SLC24A2: variants seen among roughly 807,000 people sequenced by gnomAD.
SLC24A2 encodes sodium/potassium/calcium exchanger 2.
A neutral mutation model predicts 62.0 loss-of-function variants in SLC24A2; 36 were observed. That is an observed-to-expected ratio of 0.58 (90% CI 0.44 to 0.77). The LOEUF (loss-of-function observed/expected upper bound fraction) is 0.77, where lower values mean the gene tolerates loss of function less well. Among genes scored for constraint, SLC24A2 ranks in the 30% least tolerant of loss-of-function variants. The pLI is 0.00. For synonymous variants in SLC24A2, 358 were observed against 294.0 expected (o/e 1.22, Z -2.23); for missense variants, 846 against 817.9 (o/e 1.03, Z -0.42).
In SLC24A2 at chr9:19,515,983, G is replaced by T; in HGVS notation, c.*170C>A. On this transcript the variant is annotated 3_prime_UTR_variant, in exon 11 of 11. Coordinates refer to ENST00000341998, the MANE Select transcript of SLC24A2 (RefSeq NM_020344.4). ...TCAGTAGGCAGGGTGGAAGCAGCCT[G>T]TGAAGTGAATGGGCCCAGTGTGAAT... 1.2e-6 allele frequency: 1 copy of T among 824,454 alleles called. No homozygotes were observed. The highest frequency in any genetic ancestry group is 2.1e-6 in the Non-Finnish European group (1 of 484,816). The allele number at this position is 824,454 out of a possible 1,614,324, so 51.1% of individuals were successfully genotyped here. A position where few individuals can be genotyped will look rare whatever the true frequency, so the allele number is the denominator to read the frequency against.
At chr9:20,160,706 A>C in the SLC24A2 span, among the ~76,000 whole-genome samples, 5 of 151,292 alleles carry the variant, frequency 3.3e-5, no homozygotes, top group African/African-American at 1.2e-4. Flanking sequence ...ATTTCCGAAA[A>C]ATAATGATGA....
chr9:20,217,504 A>T, the SLC24A2 span, among the ~76,000 whole-genome samples: 9 of 152,152 alleles, frequency 5.9e-5, no homozygotes, highest in African/African-American at 2.2e-4. Context: ...TTTTTAATTG[A>T]CAGGAGGAAT....
At chr9:20,193,284 T>C in the SLC24A2 span, among the ~76,000 whole-genome samples, 3 of 152,164 alleles carry the variant, frequency 2.0e-5, no homozygotes, top group Admixed American at 6.5e-5. Context: ...ATATAAATCA[T>C]GCCTTGAAAT....
chr9:19,795,990 A>T, the SLC24A2 span, among the ~76,000 whole-genome samples: 1 of 151,896 alleles, frequency 6.6e-6, no homozygotes, highest in Non-Finnish European at 1.5e-5. Context: ...ATGAAGCTGG[A>T]AACCATCATT....
At chr9:19,850,533 A>G in the SLC24A2 span, among the ~76,000 whole-genome samples, 1 of 152,142 alleles carries the variant, frequency 6.6e-6, no homozygotes, top group Non-Finnish European at 1.5e-5. Context: ...ATTCTTGGCC[A>G]TTCATAAAGT....
At chr9:20,236,764 T>C in the SLC24A2 span, among the ~76,000 whole-genome samples, 1 of 152,118 alleles carries the variant, frequency 6.6e-6, no homozygotes, top group African/African-American at 2.4e-5. Context: ...AGTAGAATTC[T>C]TTTCACCTGC....
At chr9:20,242,683 GCCT>G in the SLC24A2 span, among the ~76,000 whole-genome samples, 1 of 152,208 alleles carries the variant, frequency 6.6e-6, no homozygotes, top group Non-Finnish European at 1.5e-5. Context: ...ATGAGAAAGA[GCCT>G]CCTCCTAAAT....
At chr9:19,757,341 T>C (rs768938836) in intron 2 of SLC24A2, among the ~76,000 whole-genome samples, 4 of 152,160 alleles carry the variant, frequency 2.6e-5, no homozygotes, top group Non-Finnish European at 5.9e-5. Context: ...TAAAAACACT[T>C]GTCAGTAGCT....
the SLC24A2 span, among the ~76,000 whole-genome samples, chr9:20,007,826 A>G: frequency 7.2e-6 from 1 of 138,204 alleles, no homozygotes; most frequent in Non-Finnish European, 1.5e-5. Flanking sequence ...ATTTTAAGAG[A>G]CTTGCACAGG....
the SLC24A2 span, among the ~76,000 whole-genome samples, chr9:19,907,558 G>C: frequency 6.6e-6 from 1 of 152,220 alleles, no homozygotes; most frequent in Non-Finnish European, 1.5e-5. Context: ...CAGATGACAT[G>C]ATTGTATATC....
chr9:20,112,067 G>A, the SLC24A2 span, among the ~76,000 whole-genome samples: 1 of 152,094 alleles, frequency 6.6e-6, no homozygotes, highest in South Asian at 2.1e-4. Context: ...AGAGCTAACT[G>A]GACAAAAATC....
At chr9:19,873,341 T>C in the SLC24A2 span, among the ~76,000 whole-genome samples, 2 of 151,802 alleles carry the variant, frequency 1.3e-5, no homozygotes, top group South Asian at 2.1e-4. Flanking sequence ...TCTTCTTTTC[T>C]TTTCCTTTCT....
At chr9:19,526,931 T>C (rs1249000238) in intron 9 of SLC24A2, among the ~76,000 whole-genome samples, 5 of 152,186 alleles carry the variant, frequency 3.3e-5, no homozygotes, top group African/African-American at 1.2e-4. Flanking sequence ...CTTATGGTCA[T>C]ACAGATTTTT....
At chr9:19,963,373 C>G in the SLC24A2 span, among the ~76,000 whole-genome samples, 2,081 of 151,374 alleles carry the variant, frequency 0.014, 34 homozygotes, top group African/African-American at 0.047. Context: ...CAAATGGGAT[C>G]TCATTAAACT....
the SLC24A2 span, among the ~76,000 whole-genome samples, chr9:19,832,736 C>A: frequency 6.6e-6 from 1 of 152,160 alleles, no homozygotes. Flanking sequence ...CCAAAACTGA[C>A]AAATGGGATC....
intron 2 of SLC24A2, among the ~76,000 whole-genome samples, chr9:19,777,578 TG>T (rs1187350097): frequency 2.0e-5 from 3 of 152,090 alleles, no homozygotes; most frequent in Non-Finnish European, 4.4e-5. Flanking sequence ...CATTTAATGA[TG>T]GGGAAAAGGC....
chr9:20,203,922 G>C, the SLC24A2 span, among the ~76,000 whole-genome samples: 1 of 152,168 alleles, frequency 6.6e-6, no homozygotes, highest in Non-Finnish European at 1.5e-5. Context: ...CACGTATTTA[G>C]TGTAGATGGG....
the SLC24A2 span, among the ~76,000 whole-genome samples, chr9:19,986,763 T>C: frequency 8.5e-5 from 13 of 152,072 alleles, no homozygotes; most frequent in Non-Finnish European, 1.3e-4. Flanking sequence ...AGCAGATTGG[T>C]AGTTGCCCGA....
chr9:19,789,131 C>G (rs183791508), upstream of SLC24A2, among the ~76,000 whole-genome samples: 1,658 of 152,194 alleles, frequency 0.011, 34 homozygotes, highest in Admixed American at 0.059. Flanking sequence ...GGAGCGGGGC[C>G]GCAGCGCGCT....
Sources: gnomAD v4.1 joint callset for allele counts (sites outside exome capture counted in the v4.1 genomes callset) on GRCh38, gnomAD v4.1.1 for gene constraint, MANE v1.5 for transcripts, NCBI Gene and HGNC (gene_info 2026-07-23, HGNC 2026-07-21) for gene names.